The following FAR2 variants were observed in gnomAD, a reference collection of about 807,000 sequenced individuals.
The protein encoded by FAR2 is epididymis secretory protein Li 81.
In FAR2, 19 loss-of-function variants were observed where a neutral mutation model predicts 56.0. The observed-to-expected ratio is 0.34, with a 90% CI of 0.24 to 0.50. The LOEUF (loss-of-function observed/expected upper bound fraction) is 0.50, where lower values mean the gene tolerates loss of function less well. FAR2 is among the 20% of genes least tolerant of loss of function. The pLI, the probability that FAR2 is intolerant of heterozygous loss-of-function variation, is 0.98. For synonymous variants in FAR2, 219 were observed against 218.8 expected (o/e 1.00, Z -0.01); for missense variants, 508 against 642.2 (o/e 0.79, Z 2.26).
chr12:29,161,424 C>T (rs1240036599), intron 1 of FAR2, among the ~76,000 whole-genome samples: 1 of 152,120 alleles, frequency 6.6e-6, no homozygotes, highest in Admixed American at 6.5e-5. Context: ...TTACATCTGG[C>T]TTATTTACTC....
chr12:29,219,003 C>T (rs558512737), intron 1 of FAR2, among the ~76,000 whole-genome samples: 5 of 152,244 alleles, frequency 3.3e-5, no homozygotes, highest in Admixed American at 3.3e-4. Flanking sequence ...ATCCCCTTTC[C>T]TCAGCGTCTT....
intron 10 of FAR2, among the ~76,000 whole-genome samples, chr12:29,331,234 G>A (rs1462416186): frequency 6.6e-6 from 1 of 150,646 alleles, no homozygotes; most frequent in Non-Finnish European, 1.5e-5. Flanking sequence ...TAATGTCCAG[G>A]GATGAATAGA....
At chr12:29,310,599 T>A in intron 6 of FAR2, among the ~76,000 whole-genome samples, 1 of 152,208 alleles carries the variant, frequency 6.6e-6, no homozygotes, top group East Asian at 1.9e-4. Flanking sequence ...TGCTTGTAAG[T>A]TAATAAACCC....
chr12:29,325,185 A>G (rs997074991), intron 10 of FAR2, among the ~76,000 whole-genome samples: 1 of 152,318 alleles, frequency 6.6e-6, no homozygotes, highest in Non-Finnish European at 1.5e-5. Context: ...GGATCAATTC[A>G]GCAAGAAGAG....
chr12:29,160,469 T>C (rs1949772606), intron 1 of FAR2, among the ~76,000 whole-genome samples: 1 of 152,178 alleles, frequency 6.6e-6, no homozygotes, highest in Admixed American at 6.5e-5. Context: ...CTTCCTGCTA[T>C]ATGGCTGCGT....
rs1374242854 is a variant in FAR2, at chr12:29,296,523, A to G, written c.366-498A>G. Among the ~76,000 whole-genome samples, 6 of 152,214 alleles carry G rather than the reference A, an allele frequency of 3.9e-5. No homozygotes were observed. The South Asian group carries it at 8.3e-4, about 21-fold the overall frequency. On this transcript the variant is annotated intron_variant, in intron 3 of 11. Transcript: ENST00000536681. ...TTCATTGTTATCACATACTGTTTATATAGCTTTGCATTCTACTAGCTGCAA... is the reference window on the plus strand; with the variant it reads ...TTCATTGTTATCACATACTGTTTATGTAGCTTTGCATTCTACTAGCTGCAA...
At chr12:29,253,291 C>CTATCTA (rs1555114547) in intron 1 of FAR2, among the ~76,000 whole-genome samples, 1 of 135,210 alleles carries the variant, frequency 7.4e-6, no homozygotes, top group African/African-American at 2.8e-5. Context: ...ATATCTATAT[C>CTATCTA]TATCTAGATA....
At chr12:29,231,798 C>G (rs2136652345) in intron 1 of FAR2, among the ~76,000 whole-genome samples, 1 of 152,034 alleles carries the variant, frequency 6.6e-6, no homozygotes, top group East Asian at 1.9e-4. Context: ...TAATGTACAC[C>G]TACCATGCAC....
rs1012332541 is a variant in FAR2, at chr12:29,177,982, C to G, written c.-39+28575C>G. ...TATCTGTTCTGCTAATGGGAAGGAGCTCAGTGACAAGATGGTGGATAGTCT... is the reference window on the plus strand; with the variant it reads ...TATCTGTTCTGCTAATGGGAAGGAGGTCAGTGACAAGATGGTGGATAGTCT... On this transcript the variant is annotated intron_variant, in intron 1 of 11. Transcript: ENST00000536681. Among the ~76,000 whole-genome samples the G allele has an allele frequency of 3.9e-5, 6 of 152,196 alleles. No individual in the cohort carries two copies. In the East Asian group the frequency reaches 1.2e-3, roughly 29 times the overall value.
chr12:29,271,205 A>G (rs1486040846), intron 2 of FAR2, among the ~76,000 whole-genome samples: 1 of 152,212 alleles, frequency 6.6e-6, no homozygotes, highest in Non-Finnish European at 1.5e-5. Context: ...TCTGTGAATG[A>G]GCATTTGGAT....
intron 1 of FAR2, among the ~76,000 whole-genome samples, chr12:29,172,965 G>T (rs745676751): frequency 1.2e-4 from 18 of 152,094 alleles, no homozygotes; most frequent in Middle Eastern, 3.2e-3. Context: ...CCTTTCTTTG[G>T]CTGTCATTCT....
At chr12:29,262,260 G>A (rs1948433114) in intron 1 of FAR2, among the ~76,000 whole-genome samples, 1 of 151,206 alleles carries the variant, frequency 6.6e-6, no homozygotes, top group South Asian at 2.1e-4. Flanking sequence ...TAAAATAATG[G>A]GTTATAAGAT....
At chr12:29,323,103 G>A (rs1203514338) in intron 10 of FAR2, among the ~76,000 whole-genome samples, 1 of 152,210 alleles carries the variant, frequency 6.6e-6, no homozygotes, top group Non-Finnish European at 1.5e-5. Context: ...CCATGTGCGG[G>A]AGCACATGGC....
chr12:29,210,946 C>CA (rs11407727), intron 1 of FAR2, among the ~76,000 whole-genome samples: 67,491 of 151,192 alleles, frequency 0.45, 17,418 homozygotes, highest in African/African-American at 0.72. Context: ...GTCTTAAAAA[C>CA]AAAAAAAAAA....
In FAR2 at chr12:29,173,640, G is replaced by A. The variant is rs187327563; in HGVS notation, c.-39+24233G>A. Among the ~76,000 whole-genome samples, 161 of 152,188 alleles carry A rather than the reference G, an allele frequency of 1.1e-3. 1 individual carries two copies. The highest frequency in any genetic ancestry group is 3.1e-3 in the East Asian group (16 of 5,172). On this transcript the variant is annotated intron_variant, in intron 1 of 11. Transcript: ENST00000536681. ...GTGTTGCCTCTTTTTCAGGGTTTGC[G>A]GGTCAAATTGGTCCCAATAGCTTAG...
At position 29,197,443 on chromosome 12, in the gene FAR2, T is replaced by C. The variant is rs78552530; in HGVS notation, c.-39+48036T>C. Among the ~76,000 whole-genome samples, 58 of 152,312 alleles carry C rather than the reference T, an allele frequency of 3.8e-4. 1 individual carries two copies. The East Asian group carries it at 6.8e-3, about 18-fold the overall frequency. On this transcript the variant is annotated intron_variant, in intron 1 of 11. Coordinates refer to ENST00000536681, the MANE Select transcript of FAR2 (RefSeq NM_001271783.2). ...CCTTTGATTGGGTGGTTTGCCATGT[T>C]CCAGGAACAGTACAAAGCACTATCT...
chr12:29,245,412 AC>A (rs1009510874), intron 1 of FAR2, among the ~76,000 whole-genome samples: 1 of 152,190 alleles, frequency 6.6e-6, no homozygotes, highest in Non-Finnish European at 1.5e-5. Context: ...ATTCAAACCC[AC>A]ATCTGCTTTA....
intron 1 of FAR2, among the ~76,000 whole-genome samples, chr12:29,254,273 G>T (rs1948279467): frequency 6.6e-6 from 1 of 152,136 alleles, no homozygotes; most frequent in African/African-American, 2.4e-5. Context: ...ATAATTTGGG[G>T]TATACTCAGG....
chr12:29,186,840 G>C (rs1320238009), intron 1 of FAR2, among the ~76,000 whole-genome samples: 2 of 151,784 alleles, frequency 1.3e-5, no homozygotes, highest in African/African-American at 2.4e-5. Flanking sequence ...CCAGGCTGGA[G>C]TGCAGTGGCG....
Sources: gnomAD v4.1 joint callset for allele counts (sites outside exome capture counted in the v4.1 genomes callset) on GRCh38, gnomAD v4.1.1 for gene constraint, MANE v1.5 for transcripts, NCBI Gene and HGNC (gene_info 2026-07-23, HGNC 2026-07-21) for gene names.